Variants in NETO2 observed in about 807,000 individuals in gnomAD.
NETO2 encodes the protein neuropilin and tolloid-like protein 2.
In NETO2, 28 loss-of-function variants were observed where a neutral mutation model predicts 62.5. The observed-to-expected ratio is 0.45, with a 90% CI of 0.33 to 0.61. The LOEUF (loss-of-function observed/expected upper bound fraction) is 0.61. Ranked by LOEUF, NETO2 falls within the 20% of genes least tolerant of loss-of-function variation. The pLI is 0.02. For synonymous variants in NETO2, 214 were observed against 219.1 expected (o/e 0.98, Z 0.21); for missense variants, 548 against 643.2 (o/e 0.85, Z 1.60).
chr16:47,103,645 T>A (rs980263652), intron 7 of NETO2, among the ~76,000 whole-genome samples: 1 of 152,118 alleles, frequency 6.6e-6, no homozygotes, highest in Non-Finnish European at 1.5e-5. Flanking sequence ...AAGAAAATTA[T>A]TACTTCAGAA....
In NETO2 at chr16:47,095,534, TA is replaced by T. The variant is rs1426150152; in HGVS notation, c.884-9196del. 8.6e-5 allele frequency among the ~76,000 whole-genome samples: 13 copies of T among 152,036 alleles called. 1 individual carries two copies. Among genetic ancestry groups the T allele is most frequent in the Admixed American group, 8.5e-4 (13 of 15,252 alleles). On this transcript the variant is annotated intron_variant, in intron 7 of 8. Transcript: ENST00000562435. ...ATGCAAATAGTTGCTAAAAGACAGC[TA>T]GGGGGTGGCAAGACTAGTCTTGGAT...
At chr16:47,137,509 G>A (rs1314905921) in intron 1 of NETO2, among the ~76,000 whole-genome samples, 4 of 152,186 alleles carry the variant, frequency 2.6e-5, no homozygotes, top group Non-Finnish European at 5.9e-5. Context: ...GGGCGAAAAG[G>A]AGTTGAGTCG....
At chr16:47,139,543 T>C (rs1016201015) in intron 1 of NETO2, among the ~76,000 whole-genome samples, 3 of 152,208 alleles carry the variant, frequency 2.0e-5, no homozygotes, top group African/African-American at 7.2e-5. Flanking sequence ...CTCATTACCA[T>C]TTCCTATAAT....
chr16:47,109,519 T>G lies in NETO2; in HGVS notation c.847A>C (p.Ser283Arg). 1 of 1,614,122 alleles carries G rather than the reference T, an allele frequency of 6.2e-7. No individual in the cohort carries two copies. Among genetic ancestry groups the G allele is most frequent in the Non-Finnish European group, 8.5e-7 (1 of 1,179,986 alleles). Residue 283 changes from serine to arginine, a missense_variant, in exon 7 of 9, where the codon AGC becomes CGC. Coordinates refer to ENST00000562435, the MANE Select transcript of NETO2 (RefSeq NM_018092.5). ...RMWADEGSRL[S>R]RFRMLFTSFV... ...GAAGTAAAGAGCATTCGAAACCTGCTAAGCCGACTACCTTCATCTGCCCAC... is the reference window on the plus strand; with the variant it reads ...GAAGTAAAGAGCATTCGAAACCTGCGAAGCCGACTACCTTCATCTGCCCAC...
chr16:47,112,066 ATTTATT>A (rs1963812939), intron 6 of NETO2, among the ~76,000 whole-genome samples: 1 of 152,146 alleles, frequency 6.6e-6, no homozygotes, highest in Non-Finnish European at 1.5e-5. Context: ...TCTTTTGTAT[ATTTATT>A]TTTAAAATAT....
At chr16:47,123,993 G>C (rs559067973) in intron 4 of NETO2, among the ~76,000 whole-genome samples, 1 of 152,128 alleles carries the variant, frequency 6.6e-6, no homozygotes, top group Non-Finnish European at 1.5e-5. Context: ...CACTGCACCC[G>C]GACTGGAAAA....
chr16:47,139,382 G>A (rs1284079168), intron 1 of NETO2, among the ~76,000 whole-genome samples: 1 of 152,082 alleles, frequency 6.6e-6, no homozygotes, highest in Admixed American at 6.6e-5. Flanking sequence ...GAGATACCCT[G>A]CCACCACTGT....
At chr16:47,126,813 T>C (rs1007538366) in intron 4 of NETO2, among the ~76,000 whole-genome samples, 1 of 152,208 alleles carries the variant, frequency 6.6e-6, no homozygotes, top group African/African-American at 2.4e-5. Context: ...TTTGGAAATA[T>C]CCTTTTGGTA....
intron 1 of NETO2, among the ~76,000 whole-genome samples, chr16:47,135,813 T>G (rs1373815758): frequency 1.3e-5 from 2 of 151,674 alleles, no homozygotes; most frequent in African/African-American, 4.8e-5. Flanking sequence ...GCAATTCTAG[T>G]GAATGCAATA....
intron 6 of NETO2, among the ~76,000 whole-genome samples, chr16:47,113,374 CCA>C (rs1190468738): frequency 2.0e-5 from 3 of 152,148 alleles, no homozygotes; most frequent in African/African-American, 4.8e-5. Flanking sequence ...AAATCCATCT[CCA>C]GTCTTCATCC....
At chr16:47,094,596 T>C (rs1963390134) in intron 7 of NETO2, among the ~76,000 whole-genome samples, 1 of 151,884 alleles carries the variant, frequency 6.6e-6, no homozygotes, top group Non-Finnish European at 1.5e-5. Context: ...CGGCTAATTT[T>C]TTGTATCTTT....
chr16:47,141,188 A>T (rs911580867), intron 1 of NETO2, among the ~76,000 whole-genome samples: 4 of 152,192 alleles, frequency 2.6e-5, no homozygotes, highest in African/African-American at 9.7e-5. Context: ...TCACACACTC[A>T]TTATGGCTGA....
At position 47,083,595 on chromosome 16, in the gene NETO2, A is replaced by G. The variant is rs1963118666; in HGVS notation, c.1204T>C (p.Ser402Pro). Residue 402 changes from serine (S) to proline (P), a missense_variant, in exon 9 of 9, where the codon TCA becomes CCA. Transcript: ENST00000562435. The part of the protein sequence containing the change: ...VFDPPHYELF[S>P]LRDKEISADL... ...GCAGAAATCTCTTTGTCCCTTAGTG[A>G]AAACAGTTCATAATGAGGAGGATCA... is the stretch of plus-strand genomic sequence containing the variant. The G allele has an allele frequency of 6.2e-7, 1 of 1,614,166 alleles. No individual in the cohort carries two copies. Among genetic ancestry groups the G allele is most frequent in the East Asian group, 2.2e-5 (1 of 44,880 alleles).
At chr16:47,122,841 A>G in intron 5 of NETO2, 27 bp downstream of exon 5, 3 of 1,614,062 alleles carry the variant, frequency 1.9e-6, no homozygotes, top group African/African-American at 1.3e-5. Flanking sequence ...AAAAATGCCA[A>G]GAGGAACAAG....
At chr16:47,118,161 A>G (rs1963959650) in intron 6 of NETO2, among the ~76,000 whole-genome samples, 1 of 152,094 alleles carries the variant, frequency 6.6e-6, no homozygotes, top group Admixed American at 6.5e-5. Context: ...CAGACAATCA[A>G]CTAAGTTGTG....
At chr16:47,126,381 C>T (rs1286139890) in intron 4 of NETO2, among the ~76,000 whole-genome samples, 1 of 152,124 alleles carries the variant, frequency 6.6e-6, no homozygotes, top group Non-Finnish European at 1.5e-5. Flanking sequence ...CTGGAAAAGG[C>T]TCCATACTGT....
At chr16:47,116,441 T>C (rs1037543575) in intron 6 of NETO2, among the ~76,000 whole-genome samples, 2 of 152,236 alleles carry the variant, frequency 1.3e-5, no homozygotes, top group African/African-American at 4.8e-5. Flanking sequence ...CATTGATTTT[T>C]CAAATGTTGA....
intron 7 of NETO2, among the ~76,000 whole-genome samples, chr16:47,106,491 A>G (rs1963678257): frequency 6.6e-6 from 1 of 152,156 alleles, no homozygotes; most frequent in Non-Finnish European, 1.5e-5. Flanking sequence ...AAAAAAAGCT[A>G]CAACCCTTCC....
intron 1 of NETO2, among the ~76,000 whole-genome samples, chr16:47,141,951 T>C (rs768375617): frequency 1.3e-5 from 2 of 152,154 alleles, no homozygotes; most frequent in Non-Finnish European, 2.9e-5. Flanking sequence ...CCCTACCCTA[T>C]CCAGCTCGAT....
Sources: allele counts gnomAD v4.1 joint callset (sites outside exome capture counted in the v4.1 genomes callset), GRCh38; gene constraint gnomAD v4.1.1; transcripts MANE v1.5; gene names NCBI Gene and HGNC (gene_info 2026-07-23, HGNC 2026-07-21).